IFIH1: variants seen among roughly 807,000 people sequenced by gnomAD.
The protein encoded by IFIH1 is interferon induced with helicase C domain 1, also known as interferon-induced helicase C domain-containing protein 1.
A neutral mutation model predicts 107.4 loss-of-function variants in IFIH1; 125 were observed. That is an observed-to-expected ratio of 1.16 (90% confidence interval 1.01 to 1.35). The LOEUF is 1.35. Among genes scored for constraint, IFIH1 ranks in the 40% most tolerant of loss-of-function variants. The pLI is 0.00. For synonymous variants in IFIH1, 458 were observed against 413.2 expected, an observed-to-expected ratio of 1.11 and a Z score of -1.31; for missense variants, 1,333 against 1,213.7, an observed-to-expected ratio of 1.10 and a Z score of -1.46.
At chr2:162,295,785 G>T (rs961095223) in intron 3 of IFIH1, among the ~76,000 whole-genome samples, 1 of 151,818 alleles carries the variant, frequency 6.6e-6, no homozygotes, top group African/African-American at 2.4e-5. Flanking sequence ...GGCGAATGTG[G>T]GATAGAACTG....
In IFIH1 at chr2:162,305,330, G is replaced by A. The variant is rs568916523; in HGVS notation, c.769+1379C>T. 3.9e-5 allele frequency among the ~76,000 whole-genome samples: 6 copies of A among 152,322 alleles called. No homozygotes were observed. The South Asian group carries it at 1.0e-3, about 26-fold the overall frequency. ...CATGCCTGTAATCCCAGCACTTTGG[G>A]AGGCCGAGTGGGGGGGATCACCTGA... On this transcript the variant is annotated intron_variant, in intron 3 of 15. Coordinates refer to ENST00000649979, the MANE Select transcript of IFIH1 (RefSeq NM_022168.4).
chr2:162,296,492 A>C (rs1209312468), intron 3 of IFIH1, among the ~76,000 whole-genome samples: 1 of 152,136 alleles, frequency 6.6e-6, no homozygotes, highest in Non-Finnish European at 1.5e-5. Flanking sequence ...TATCCAGATC[A>C]CACAGCTACA....
chr2:162,273,158 G>T (rs918161), intron 12 of IFIH1, among the ~76,000 whole-genome samples: 5,325 of 152,192 alleles, frequency 0.035, 457 homozygotes, highest in Admixed American at 0.21. Context: ...AATTTTATAG[G>T]AAGAATAGTG....
intron 3 of IFIH1, among the ~76,000 whole-genome samples, chr2:162,294,243 T>G (rs1683047355): frequency 1.3e-5 from 2 of 151,906 alleles, no homozygotes; most frequent in South Asian, 4.1e-4. Context: ...GAAATAACTG[T>G]TTTTCTTTAC....
At chr2:162,317,805 G>A (rs760652282) in intron 1 of IFIH1, 50 bp downstream of exon 1, 6 of 1,461,382 alleles carry the variant, frequency 4.1e-6, no homozygotes, top group African/African-American at 1.4e-5. Context: ...AAGGAAGCCT[G>A]CTTTGCAAAA....
At chr2:162,295,157 C>T (rs1045139825) in intron 3 of IFIH1, among the ~76,000 whole-genome samples, 2 of 151,994 alleles carry the variant, frequency 1.3e-5, no homozygotes, top group Non-Finnish European at 2.9e-5. Flanking sequence ...CCAAAAGTCT[C>T]CTCAAGCCTC....
chr2:162,315,977 G>C (rs1348764879), intron 1 of IFIH1, among the ~76,000 whole-genome samples: 1 of 152,120 alleles, frequency 6.6e-6, no homozygotes, highest in Non-Finnish European at 1.5e-5. Flanking sequence ...GGAGAATTTG[G>C]GTTGTTTTGG....
intron 13 of IFIH1, 100 bp downstream of exon 13, chr2:162,272,126 A>T: frequency 1.1e-6 from 1 of 912,990 alleles, no homozygotes; most frequent in Non-Finnish European, 1.7e-6. Flanking sequence ...CTTATAATTC[A>T]GCACAATTTT....
chr2:162,304,683 T>C (rs1322055326), intron 3 of IFIH1, among the ~76,000 whole-genome samples: 2 of 152,212 alleles, frequency 1.3e-5, no homozygotes, highest in Admixed American at 1.3e-4. Flanking sequence ...ACAAAGAGAA[T>C]GAATTTGTGA....
In IFIH1 at chr2:162,281,330, T is replaced by C. The variant is rs778700835; in HGVS notation, c.1522A>G (p.Lys508Glu). The C allele has an allele frequency of 6.2e-7, 1 of 1,610,884 alleles. No individual in the cohort carries two copies. Among genetic ancestry groups the C allele is most frequent in the South Asian group, 1.1e-5 (1 of 90,856 alleles). ...TTATACATAAAATTATGACTTACTT[T>C]TAAAATGTGTTCTTCAGCTTTGGCT... ...KQAKAEEHIL[K>E]LCANLDAFTI... The change falls in exon 7 of 16, where the codon AAA becomes GAA. Residue 508 changes from lysine (K) to glutamate (E), a missense_variant and splice_region_variant. Lys to Glu is a moderately conservative substitution (Grantham distance 56). Coordinates refer to ENST00000649979, the MANE Select transcript of IFIH1 (RefSeq NM_022168.4).
rs16846555 is a variant in IFIH1, at chr2:162,281,238, C to T, written c.1524+90G>A. On this transcript the variant is annotated intron_variant, in intron 7 of 15. Transcript: ENST00000649979. ...TTTCACTTAACTGATGATCACAGCA[C>T]TTGAACTCAATCTTATTTAATAAGA... 0.028 allele frequency: 27,025 copies of T among 964,226 alleles called. 2,060 individuals carry two copies. The highest frequency in any genetic ancestry group is 0.25 in the Admixed American group (10,815 of 42,776). The allele number at this position is 964,226 out of a possible 1,614,324, so 59.7% of individuals were successfully genotyped here.
intron 3 of IFIH1, among the ~76,000 whole-genome samples, chr2:162,304,603 A>T (rs1036693923): frequency 6.6e-6 from 1 of 152,270 alleles, no homozygotes. Flanking sequence ...GATAGTTCAT[A>T]TAAGTCAGCA....
chr2:162,290,798 G>A (rs945327603), intron 4 of IFIH1, among the ~76,000 whole-genome samples: 8 of 151,900 alleles, frequency 5.3e-5, no homozygotes, highest in Non-Finnish European at 1.2e-4. Flanking sequence ...GATTCAATGT[G>A]AGACTAGCAT....
chr2:162,298,000 A>G (rs564450302), intron 3 of IFIH1, among the ~76,000 whole-genome samples: 35 of 152,294 alleles, frequency 2.3e-4, no homozygotes, highest in African/African-American at 7.2e-4. Flanking sequence ...AAATACTTTA[A>G]AATATTTTTA....
chr2:162,291,599 T>G (rs966748771), intron 4 of IFIH1, among the ~76,000 whole-genome samples: 1 of 151,758 alleles, frequency 6.6e-6, no homozygotes, highest in South Asian at 2.1e-4. Flanking sequence ...GAATATAATA[T>G]GATTGTTTTG....
At chr2:162,272,430 G>A (rs1307601598) in intron 12 of IFIH1, 43 bp from the exon 13 acceptor site, 2 of 1,549,172 alleles carry the variant, frequency 1.3e-6, no homozygotes, top group East Asian at 2.3e-5. Context: ...GGTACGTTGT[G>A]ATACAAATCC....
intron 4 of IFIH1, among the ~76,000 whole-genome samples, 160 bp downstream of exon 4, chr2:162,293,404 T>C (rs915429768): frequency 2.0e-5 from 3 of 152,012 alleles, no homozygotes. Context: ...GTTACACTTT[T>C]AAAGAAAGTG....
At chr2:162,267,418 T>C (rs2105186821) in intron 15 of IFIH1, 39 bp from the exon 16 acceptor site, 1 of 1,612,638 alleles carries the variant, frequency 6.2e-7, no homozygotes, top group Non-Finnish European at 8.5e-7. Flanking sequence ...AAATTAAATG[T>C]ACATGCAATT....
chr2:162,270,504 C>T (rs1691014558), intron 13 of IFIH1, among the ~76,000 whole-genome samples: 1 of 152,132 alleles, frequency 6.6e-6, no homozygotes, highest in Admixed American at 6.5e-5. Flanking sequence ...GCCCTCCTTC[C>T]CCATTGCCAC....
Sources: allele counts gnomAD v4.1 joint callset (sites outside exome capture counted in the v4.1 genomes callset), GRCh38; gene constraint gnomAD v4.1.1; transcripts MANE v1.5; gene names NCBI Gene and HGNC (gene_info 2026-07-23, HGNC 2026-07-21).